Variants in PRKAR1B observed in about 807,000 individuals in gnomAD.
PRKAR1B encodes cAMP-dependent protein kinase type I-beta regulatory subunit.
Under a neutral mutation model 46.5 loss-of-function variants are expected in PRKAR1B, and 22 were observed. The ratio of observed to expected loss-of-function variants is 0.47; its 90% CI spans 0.34 to 0.68. The LOEUF is 0.68. Among genes scored for constraint, PRKAR1B ranks in the 30% least tolerant of loss-of-function variants. The pLI is 0.01. For missense variants in PRKAR1B, 445 were observed against 535.6 expected (o/e 0.83, Z 1.67); for synonymous variants, 259 against 217.7 (o/e 1.19, Z -1.67).
chr7:728,121 T>G (rs928147044), upstream of PRKAR1B, among the ~76,000 whole-genome samples: 18 of 152,124 alleles, frequency 1.2e-4, no homozygotes, highest in African/African-American at 4.3e-4. Flanking sequence ...TTCCCCATCT[T>G]TTTTAGAGCT....
intron 1 of PRKAR1B, among the ~76,000 whole-genome samples, chr7:723,041 G>A (rs1008560575): frequency 6.6e-6 from 1 of 152,156 alleles, no homozygotes; most frequent in Non-Finnish European, 1.5e-5. Context: ...GGGGTGAAAG[G>A]TACCTCCCTG....
chr7:710,000 C>A (rs1780535968), intron 2 of PRKAR1B, among the ~76,000 whole-genome samples: 1 of 152,150 alleles, frequency 6.6e-6, no homozygotes, highest in South Asian at 2.1e-4. Context: ...GACTACAGAG[C>A]GTTTTTATCT....
intron 3 of PRKAR1B, among the ~76,000 whole-genome samples, chr7:679,325 C>G (rs1046948146): frequency 6.6e-6 from 1 of 152,180 alleles, no homozygotes; most frequent in Non-Finnish European, 1.5e-5. Context: ...CGTCCTGTCT[C>G]CCCCGTGGCC....
At chr7:621,954 G>T (rs911614135) in intron 4 of PRKAR1B, among the ~76,000 whole-genome samples, 1 of 152,240 alleles carries the variant, frequency 6.6e-6, no homozygotes, top group Non-Finnish European at 1.5e-5. Context: ...TGCTAGAAGG[G>T]TCACACATGT....
chr7:691,499 C>T, intron 2 of PRKAR1B: 2 of 1,304,408 alleles, frequency 1.5e-6, no homozygotes, highest in African/African-American at 1.5e-5. Flanking sequence ...CGCACCACAG[C>T]CATCCAGGGA....
rs1247932739 is a variant in PRKAR1B at position 593,967 on chromosome 7, G to A, written c.708+2179C>T. ...AGAGCCGGCATCGCCGTGGGGCCGGGACAGGCCAGCGCCAGCAGGACACCG... is the reference window on the plus strand; with the variant it reads ...AGAGCCGGCATCGCCGTGGGGCCGGAACAGGCCAGCGCCAGCAGGACACCG... On this transcript the variant is annotated intron_variant, in intron 7 of 10. Transcript: ENST00000537384. The surrounding 1 kb of genome is among the most constrained non-coding windows in gnomAD (Gnocchi z 6.1). Among the ~76,000 whole-genome samples, 1 of 152,174 alleles carries A rather than the reference G, an allele frequency of 6.6e-6. No individual in the cohort carries two copies. The highest frequency in any genetic ancestry group is 6.5e-5 in the Admixed American group (1 of 15,286).
chr7:657,157 A>C (rs1785249432), intron 4 of PRKAR1B, among the ~76,000 whole-genome samples: 1 of 152,030 alleles, frequency 6.6e-6, no homozygotes, highest in Admixed American at 6.5e-5. Flanking sequence ...GAATGAGTGA[A>C]CAAATGAATG....
intron 2 of PRKAR1B, among the ~76,000 whole-genome samples, chr7:709,310 C>G (rs964115243): frequency 2.7e-5 from 4 of 150,630 alleles, no homozygotes; most frequent in African/African-American, 9.7e-5. Flanking sequence ...TATGTATCCA[C>G]GTATGCATGT....
Position 726,822 on chromosome 7 carries a change from G to C in PRKAR1B, c.-23+388C>G, listed in dbSNP as rs1214295481. 2.3e-6 allele frequency: 3 copies of C among 1,324,746 alleles called. No individual in the cohort carries two copies. The Admixed American group carries it at 1.1e-4, about 49-fold the overall frequency. 82.1% of individuals were successfully genotyped at this position (1,324,746 alleles called of 1,614,324 possible). On this transcript the variant is annotated intron_variant, in intron 1 of 10. Coordinates refer to ENST00000537384, the MANE Select transcript of PRKAR1B (RefSeq NM_001164760.2). ...AGCTGAGCCGCGCCCTGAGCCGCCT[G>C]CTGCCGGGGCTGGAGGCCGACAGCA...
rs773563006 is a variant in PRKAR1B, at chr7:593,731, G to C, written c.708+2415C>G. 1.3e-5 allele frequency among the ~76,000 whole-genome samples: 2 copies of C among 152,162 alleles called. No individual in the cohort carries two copies. The highest frequency in any genetic ancestry group is 2.9e-5 in the Non-Finnish European group (2 of 68,010). ...GTGAAGGCAGGAGTGAGCGGGTTCA[G>C]ACAGAAGAGAGGGAGCGTGCAACTC... On this transcript the variant is annotated intron_variant, in intron 7 of 10. Transcript: ENST00000537384. This position sits in a 1 kb window ranked among gnomAD's most constrained non-coding sequence, Gnocchi z 6.1.
At chr7:709,539 T>C (rs1174479392) in intron 2 of PRKAR1B, among the ~76,000 whole-genome samples, 1 of 151,882 alleles carries the variant, frequency 6.6e-6, no homozygotes, top group African/African-American at 2.4e-5. Context: ...CCCGGCTAAT[T>C]TTTTGTATTT....
intron 7 of PRKAR1B, 145 bp from the exon 8 acceptor site, chr7:584,713 G>A (rs1038834969): frequency 2.0e-5 from 14 of 700,512 alleles, no homozygotes; most frequent in South Asian, 8.5e-5. Context: ...TCGACGACTC[G>A]GAGTCTGCGT....
At chr7:674,151 G>A (rs887464468) in intron 4 of PRKAR1B, among the ~76,000 whole-genome samples, 3 of 152,166 alleles carry the variant, frequency 2.0e-5, no homozygotes, top group South Asian at 4.1e-4. Context: ...AGACTAGGTC[G>A]TGGGTATCCT....
intron 2 of PRKAR1B, among the ~76,000 whole-genome samples, chr7:709,218 G>C (rs1489119649): frequency 6.6e-6 from 1 of 150,936 alleles, no homozygotes; most frequent in Non-Finnish European, 1.5e-5. Flanking sequence ...TTAAAGAGAG[G>C]TCTTTAAAGA....
chr7:650,396 C>T (rs1353028440), intron 4 of PRKAR1B, among the ~76,000 whole-genome samples: 9 of 151,562 alleles, frequency 5.9e-5, no homozygotes, highest in Non-Finnish European at 1.3e-4. Context: ...CCTGCTCACT[C>T]CACCTGATCA....
rs557867380 is a variant in PRKAR1B at position 582,185 on chromosome 7, T to C, written c.769+2323A>G. ...CCCAGGGGGGAACCCATCGTCAAGC[T>C]CTGTGCTGGAATTCTGCAGACTTGC... On this transcript the variant is annotated intron_variant, in intron 8 of 10. Coordinates refer to ENST00000537384, the MANE Select transcript of PRKAR1B (RefSeq NM_001164760.2). Among the ~76,000 whole-genome samples the C allele has an allele frequency of 3.3e-5, 5 of 152,328 alleles. No homozygotes were observed. In the East Asian group the frequency reaches 5.8e-4, roughly 18 times the overall value.
At chr7:634,116 A>G (rs1426671364) in intron 4 of PRKAR1B, among the ~76,000 whole-genome samples, 1 of 152,056 alleles carries the variant, frequency 6.6e-6, no homozygotes, top group Non-Finnish European at 1.5e-5. Context: ...TCTGCCTCCC[A>G]GGTTCACGCC....
Position 644,639 on chromosome 7 carries a change from C to G in PRKAR1B, c.440+32590G>C, listed in dbSNP as rs970975920. 2.2e-4 allele frequency among the ~76,000 whole-genome samples: 33 copies of G among 152,342 alleles called. No homozygotes were observed. Among genetic ancestry groups the G allele is most frequent in the Admixed American group, 1.8e-3 (27 of 15,306 alleles). ...GCAGGGCCGTTCTCAGCCTCAGCAGCTGAGCGTCCACCCCCAGGCCTCCGG... is the reference window on the plus strand; with the variant it reads ...GCAGGGCCGTTCTCAGCCTCAGCAGGTGAGCGTCCACCCCCAGGCCTCCGG... On this transcript the variant is annotated intron_variant, in intron 4 of 10. Transcript: ENST00000537384. The surrounding 1 kb of genome is among the most constrained non-coding windows in gnomAD (Gnocchi z 4.9).
intron 4 of PRKAR1B, among the ~76,000 whole-genome samples, chr7:674,128 A>G (rs1282257002): frequency 6.6e-6 from 1 of 152,174 alleles, no homozygotes; most frequent in African/African-American, 2.4e-5. Context: ...AAGATGACAC[A>G]TCCAGGTCCC....
Sources: allele counts gnomAD v4.1 joint callset (sites outside exome capture counted in the v4.1 genomes callset), GRCh38; gene constraint gnomAD v4.1.1; non-coding constraint Gnocchi (gnomAD v3.1); transcripts MANE v1.5; gene names NCBI Gene and HGNC (gene_info 2026-07-23, HGNC 2026-07-21).